Variants in TMEM117 observed in about 807,000 individuals in gnomAD.
TMEM117 encodes transmembrane protein 117.
A neutral mutation model predicts 52.4 loss-of-function variants in TMEM117; 27 were observed. The ratio of observed to expected loss-of-function variants is 0.51; its 90% CI spans 0.38 to 0.71. The LOEUF is 0.71. Among genes scored for constraint, TMEM117 ranks in the 30% least tolerant of loss-of-function variants. The probability of loss-of-function intolerance (pLI) is 0.00; values close to 1 mark genes in which losing one functional copy is unlikely to be tolerated. For missense variants in TMEM117, 556 were observed against 630.5 expected, an observed-to-expected ratio of 0.88 and a Z score of 1.26; for synonymous variants, 215 against 206.3, an observed-to-expected ratio of 1.04 and a Z score of -0.36.
chr12:44,308,538 C>G (rs1156742329), intron 6 of TMEM117, among the ~76,000 whole-genome samples: 1 of 152,054 alleles, frequency 6.6e-6, no homozygotes, highest in African/African-American at 2.4e-5. Context: ...TGCTGTACTT[C>G]AGGTCAGAAT....
chr12:44,131,524 T>C (rs1948413720), intron 3 of TMEM117, among the ~76,000 whole-genome samples: 1 of 152,150 alleles, frequency 6.6e-6, no homozygotes, highest in South Asian at 2.1e-4. Flanking sequence ...CTTATTTAAA[T>C]CCTTTATATC....
At chr12:44,210,325 T>C (rs559898672) in intron 4 of TMEM117, among the ~76,000 whole-genome samples, 68 of 152,300 alleles carry the variant, frequency 4.5e-4, no homozygotes, top group African/African-American at 1.5e-3. Context: ...TCCATCCTCA[T>C]TGGATTTTTA....
chr12:44,201,526 A>G (rs1229905140), intron 4 of TMEM117, among the ~76,000 whole-genome samples: 1 of 152,218 alleles, frequency 6.6e-6, no homozygotes. Flanking sequence ...GAAAATTGAC[A>G]CAAGTCAGTA....
intron 5 of TMEM117, among the ~76,000 whole-genome samples, chr12:44,224,981 A>G (rs940533348): frequency 1.3e-5 from 2 of 152,088 alleles, no homozygotes; most frequent in African/African-American, 2.4e-5. Context: ...TTCCCCTTCC[A>G]TAAGGAATGA....
chr12:43,846,298 A>G (rs992400902), intron 2 of TMEM117, among the ~76,000 whole-genome samples: 1 of 151,546 alleles, frequency 6.6e-6, no homozygotes, highest in African/African-American at 2.4e-5. Context: ...ACATTGGGAC[A>G]TTGGGATAAA....
chr12:44,397,511 A>G, the TMEM117 span, among the ~76,000 whole-genome samples: 1 of 152,218 alleles, frequency 6.6e-6, no homozygotes, highest in African/African-American at 2.4e-5. Context: ...TCTGAAAGCC[A>G]CAACTGGAAA....
intron 6 of TMEM117, among the ~76,000 whole-genome samples, chr12:44,325,005 A>G (rs1178473367): frequency 6.6e-6 from 1 of 152,186 alleles, no homozygotes; most frequent in Non-Finnish European, 1.5e-5. Flanking sequence ...TTCATCTCTC[A>G]TTCCATAGTA....
At chr12:43,852,645 T>C (rs1943330882) in intron 2 of TMEM117, among the ~76,000 whole-genome samples, 1 of 152,156 alleles carries the variant, frequency 6.6e-6, no homozygotes, top group Admixed American at 6.5e-5. Flanking sequence ...CCTGTGATGC[T>C]TTATTTCATG....
chr12:44,115,722 C>T (rs1055388356), intron 3 of TMEM117, among the ~76,000 whole-genome samples: 5 of 152,160 alleles, frequency 3.3e-5, no homozygotes, highest in South Asian at 2.1e-4. Flanking sequence ...TTGATCAACT[C>T]ATTCATTTAC....
chr12:44,237,509 C>G (rs984061773), intron 5 of TMEM117, among the ~76,000 whole-genome samples: 2 of 152,086 alleles, frequency 1.3e-5, no homozygotes, highest in African/African-American at 4.8e-5. Flanking sequence ...CACTTGATCT[C>G]AGTTCAAGAC....
intron 3 of TMEM117, among the ~76,000 whole-genome samples, chr12:44,102,366 T>C (rs1458953703): frequency 6.6e-6 from 1 of 152,020 alleles, no homozygotes; most frequent in Non-Finnish European, 1.5e-5. Context: ...CCCATGTAGG[T>C]ATGAAGAGGC....
chr12:43,895,282 G>C (rs1052776856), intron 2 of TMEM117, among the ~76,000 whole-genome samples: 3 of 152,068 alleles, frequency 2.0e-5, no homozygotes, highest in Admixed American at 6.6e-5. Context: ...GTTTGCTAAG[G>C]ATAATGGCCT....
chr12:44,341,788 G>A (rs1415506032), intron 6 of TMEM117, among the ~76,000 whole-genome samples: 1 of 152,108 alleles, frequency 6.6e-6, no homozygotes, highest in Admixed American at 6.6e-5. Context: ...CAGTGTTCAT[G>A]GATATTGAAT....
chr12:44,338,566 T>A (rs1156719897), intron 6 of TMEM117, among the ~76,000 whole-genome samples: 1 of 151,730 alleles, frequency 6.6e-6, no homozygotes, highest in East Asian at 1.9e-4. Context: ...TCCATATAAA[T>A]GTGCTATTAC....
At chr12:43,805,378 A>G in the TMEM117 span, 4 of 352,584 alleles carry the variant, frequency 1.1e-5, no homozygotes, top group African/African-American at 8.5e-5. Flanking sequence ...GGTGTCAAAA[A>G]TCTTTACGAA....
chr12:44,055,350 A>G (rs897369193), intron 3 of TMEM117, among the ~76,000 whole-genome samples: 3 of 152,214 alleles, frequency 2.0e-5, no homozygotes, highest in Admixed American at 6.5e-5. Flanking sequence ...AGAAAAAAAC[A>G]TGTAGCTGTT....
intron 2 of TMEM117, among the ~76,000 whole-genome samples, chr12:43,888,234 A>T (rs2137469347): frequency 6.6e-6 from 1 of 152,358 alleles, no homozygotes; most frequent in South Asian, 2.1e-4. Context: ...AAAATACAAA[A>T]TGCCAAACCC....
rs148780657 is a variant in TMEM117, at chr12:44,091,561, C to T, written c.411-51964C>T. ...ATAACAATAATGTTTCTATTTACAGCGTGCCACTAAGGAAGGGACAATAAA... is the reference window on the plus strand; with the variant it reads ...ATAACAATAATGTTTCTATTTACAGTGTGCCACTAAGGAAGGGACAATAAA... On this transcript the variant is annotated intron_variant, in intron 3 of 7. Transcript: ENST00000266534. Among the ~76,000 whole-genome samples the T allele has an allele frequency of 1.4e-4, 22 of 152,224 alleles. No individual in the cohort carries two copies. In the East Asian group the frequency reaches 1.5e-3, roughly 11 times the overall value.
At chr12:44,399,077 G>C in the TMEM117 span, among the ~76,000 whole-genome samples, 1 of 152,100 alleles carries the variant, frequency 6.6e-6, no homozygotes. Flanking sequence ...ACTATAACTT[G>C]TCTATTTACA....
Sources: allele counts gnomAD v4.1 joint callset (sites outside exome capture counted in the v4.1 genomes callset), GRCh38; gene constraint gnomAD v4.1.1; transcripts MANE v1.5; gene names NCBI Gene and HGNC (gene_info 2026-07-23, HGNC 2026-07-21).